The following VAT1L variants were observed in gnomAD, a reference collection of about 807,000 sequenced individuals.
VAT1L encodes vesicle amine transport 1 like.
Under a neutral mutation model 44.1 loss-of-function variants are expected in VAT1L, and 34 were observed. That is an observed-to-expected ratio of 0.77 (90% confidence interval 0.59 to 1.03). VAT1L has a LOEUF of 1.03. Ranked by LOEUF, VAT1L falls within the 50% of genes least tolerant of loss-of-function variation. The pLI, the probability that VAT1L is intolerant of heterozygous loss-of-function variation, is 0.00. For synonymous variants in VAT1L, 253 were observed against 202.2 expected (o/e 1.25, Z -2.13); for missense variants, 615 against 538.8 (o/e 1.14, Z -1.40).
chr16:77,880,678 T>C (rs754622634), intron 6 of VAT1L, among the ~76,000 whole-genome samples: 18 of 149,796 alleles, frequency 1.2e-4, no homozygotes, highest in Non-Finnish European at 7.4e-5. Flanking sequence ...TATTGTATGA[T>C]GCTGAAGTTT....
chr16:77,865,373 G>C (rs903708903), intron 4 of VAT1L, among the ~76,000 whole-genome samples: 8 of 152,012 alleles, frequency 5.3e-5, no homozygotes, highest in African/African-American at 1.9e-4. Context: ...GTGTATTTTT[G>C]CAAGCATTCT....
intron 3 of VAT1L, among the ~76,000 whole-genome samples, chr16:77,827,605 T>C (rs2016536828): frequency 6.6e-6 from 1 of 152,348 alleles, no homozygotes; most frequent in East Asian, 1.9e-4. Flanking sequence ...GCACAGGCTA[T>C]GTTGTCCTAA....
chr16:77,953,051 T>G (rs948749972), intron 7 of VAT1L, among the ~76,000 whole-genome samples: 1 of 151,928 alleles, frequency 6.6e-6, no homozygotes, highest in Non-Finnish European at 1.5e-5. Context: ...CAACATGGTG[T>G]ACTTGTAAGA....
At chr16:77,975,194 C>CTTTTTTTTTTTTTTTTTTT (rs35017686) in intron 8 of VAT1L, among the ~76,000 whole-genome samples, 10 of 39,858 alleles carry the variant, frequency 2.5e-4, no homozygotes, top group African/African-American at 6.4e-4. Context: ...GGAATGACCA[C>CTTTTTTTTTTTTTTTTTTT]TTTTTTTTTT....
intron 7 of VAT1L, among the ~76,000 whole-genome samples, chr16:77,910,673 CAAAA>C (rs3038773): frequency 1.2e-5 from 1 of 82,968 alleles, no homozygotes; most frequent in African/African-American, 4.7e-5. Flanking sequence ...GACTCCTTCT[CAAAA>C]AAAAAAAAAA....
intron 1 of VAT1L, among the ~76,000 whole-genome samples, chr16:77,802,386 G>C (rs534675449): frequency 6.6e-6 from 1 of 152,162 alleles, no homozygotes; most frequent in Non-Finnish European, 1.5e-5. Flanking sequence ...GGAGGGCAAG[G>C]GGGGTGGAGC....
At chr16:77,899,334 C>A (rs2017357106) in intron 7 of VAT1L, among the ~76,000 whole-genome samples, 1 of 152,228 alleles carries the variant, frequency 6.6e-6, no homozygotes, top group Non-Finnish European at 1.5e-5. Flanking sequence ...GCTCTTCAAC[C>A]TGGTTGCCCC....
At chr16:77,902,192 C>T (rs2017390187) in intron 7 of VAT1L, among the ~76,000 whole-genome samples, 5 of 152,170 alleles carry the variant, frequency 3.3e-5, no homozygotes, top group Admixed American at 2.0e-4. Flanking sequence ...CATCTTATTC[C>T]TTTCTTTATC....
intron 1 of VAT1L, among the ~76,000 whole-genome samples, chr16:77,802,461 A>G (rs1347465008): frequency 4.6e-5 from 7 of 152,084 alleles, no homozygotes; most frequent in Non-Finnish European, 8.8e-5. Flanking sequence ...CTAAAAATAC[A>G]AAAATTAGCC....
chr16:77,947,966 G>C (rs908977854), intron 7 of VAT1L, among the ~76,000 whole-genome samples: 2 of 152,130 alleles, frequency 1.3e-5, no homozygotes, highest in African/African-American at 4.8e-5. Flanking sequence ...CCCCATGTTG[G>C]TCAGGCTGGT....
chr16:77,940,107 C>T (rs1263089378), intron 7 of VAT1L, among the ~76,000 whole-genome samples: 2 of 152,084 alleles, frequency 1.3e-5, no homozygotes, highest in African/African-American at 2.4e-5. Context: ...TCTCAACAAG[C>T]TCAAAATGTC....
In VAT1L at chr16:77,820,208, G is replaced by A. The variant is rs567198913; in HGVS notation, c.363+3158G>A. ...AGGATTGAGGTAGACTCCCGCACCT[G>A]GTCAGATTGAACTTTTACCTAACAC... is the stretch of plus-strand genomic sequence containing the variant. On this transcript the variant is annotated intron_variant, in intron 2 of 8. Transcript: ENST00000302536. Among the ~76,000 whole-genome samples the A allele has an allele frequency of 1.2e-4, 18 of 152,222 alleles. 1 individual carries two copies. The South Asian group carries it at 2.3e-3, about 19-fold the overall frequency.
At chr16:77,937,667 G>C (rs78663889) in intron 7 of VAT1L, among the ~76,000 whole-genome samples, 4 of 152,230 alleles carry the variant, frequency 2.6e-5, no homozygotes, top group Non-Finnish European at 5.9e-5. Flanking sequence ...TTACATCCCA[G>C]TATGCACTCC....
chr16:77,818,908 T>A (rs1032096279), intron 2 of VAT1L, among the ~76,000 whole-genome samples: 1 of 152,206 alleles, frequency 6.6e-6, no homozygotes, highest in Non-Finnish European at 1.5e-5. Context: ...TGAATAGCTC[T>A]CTTGGTTTGA....
At position 77,844,102 on chromosome 16, in the gene VAT1L, C is replaced by T. The variant is rs928707522; in HGVS notation, c.579+18641C>T. 4.6e-5 allele frequency among the ~76,000 whole-genome samples: 7 copies of T among 152,184 alleles called. No homozygotes were observed. The South Asian group carries it at 1.4e-3, about 32-fold the overall frequency. ...TACAGCAAATATATACACACACACA[C>T]ATATACATATTATACATATAGTATG... On this transcript the variant is annotated intron_variant, in intron 3 of 8. Transcript: ENST00000302536.
intron 1 of VAT1L, among the ~76,000 whole-genome samples, chr16:77,790,502 G>C (rs988978414): frequency 7.2e-5 from 11 of 152,050 alleles, no homozygotes; most frequent in Admixed American, 2.0e-4. Context: ...GGATTGTTGG[G>C]TCATTATTTT....
chr16:77,920,710 G>A (rs946073380), intron 7 of VAT1L, among the ~76,000 whole-genome samples: 2 of 152,076 alleles, frequency 1.3e-5, no homozygotes, highest in African/African-American at 4.8e-5. Context: ...TTAGATACAT[G>A]CTTACCATTG....
At chr16:77,832,026 C>T (rs1324870722) in intron 3 of VAT1L, among the ~76,000 whole-genome samples, 1 of 138,482 alleles carries the variant, frequency 7.2e-6, no homozygotes, top group African/African-American at 2.7e-5. Flanking sequence ...CAGGGATTCA[C>T]CTTGTTGCCC....
chr16:77,859,989 C>T (rs1336990448), intron 3 of VAT1L, among the ~76,000 whole-genome samples: 1 of 152,070 alleles, frequency 6.6e-6, no homozygotes, highest in Non-Finnish European at 1.5e-5. Flanking sequence ...TGGAGTGGGC[C>T]CTCATCCAAT....
Sources: allele counts gnomAD v4.1 joint callset (sites outside exome capture counted in the v4.1 genomes callset), GRCh38; gene constraint gnomAD v4.1.1; transcripts MANE v1.5; gene names NCBI Gene and HGNC (gene_info 2026-07-23, HGNC 2026-07-21).